FGF10: variants seen among roughly 807,000 people sequenced by gnomAD.
FGF10 encodes fibroblast growth factor 10.
Under a neutral mutation model 19.8 loss-of-function variants are expected in FGF10, and 2 were observed. The observed-to-expected ratio is 0.10, with a 90% CI of 0.04 to 0.32. The LOEUF (loss-of-function observed/expected upper bound fraction) is 0.32, where lower values mean the gene tolerates loss of function less well. Among genes scored for constraint, FGF10 ranks in the 10% least tolerant of loss-of-function variants. The pLI, the probability that FGF10 is intolerant of heterozygous loss-of-function variation, is 1.00. For missense variants in FGF10, 191 were observed against 246.3 expected, an observed-to-expected ratio of 0.78 and a Z score of 1.50; for synonymous variants, 112 against 94.0, an observed-to-expected ratio of 1.19 and a Z score of -1.10.
At chr5:44,307,981 G>A (rs1012864087) in intron 2 of FGF10, among the ~76,000 whole-genome samples, 5 of 152,220 alleles carry the variant, frequency 3.3e-5, no homozygotes, top group Non-Finnish European at 5.9e-5. Context: ...GTATAACTGT[G>A]CTCTGTATGG....
intron 1 of FGF10, among the ~76,000 whole-genome samples, chr5:44,369,506 A>T (rs1351240754): frequency 6.6e-6 from 1 of 152,108 alleles, no homozygotes; most frequent in Non-Finnish European, 1.5e-5. Context: ...AATCCCTAAA[A>T]GTTTGTTTAC....
intron 1 of FGF10, among the ~76,000 whole-genome samples, chr5:44,374,415 T>C (rs1741809539): frequency 6.6e-6 from 1 of 152,184 alleles, no homozygotes; most frequent in Admixed American, 6.5e-5. Flanking sequence ...CTGATGTCTT[T>C]GGGTGCTCAT....
At chr5:44,348,838 G>A (rs1741149243) in intron 1 of FGF10, among the ~76,000 whole-genome samples, 1 of 151,396 alleles carries the variant, frequency 6.6e-6, no homozygotes, top group Non-Finnish European at 1.5e-5. Flanking sequence ...CTGGGAAGTG[G>A]TGACTTATGT....
chr5:44,343,288 T>C (rs545264317), intron 1 of FGF10, among the ~76,000 whole-genome samples: 51 of 152,156 alleles, frequency 3.4e-4, no homozygotes, highest in Admixed American at 1.2e-3. Flanking sequence ...TCATAACTTA[T>C]CTTGGATCCC....
At chr5:44,381,947 GT>G (rs1156572849) in intron 1 of FGF10, among the ~76,000 whole-genome samples, 3 of 152,042 alleles carry the variant, frequency 2.0e-5, no homozygotes, top group African/African-American at 7.2e-5. Flanking sequence ...TTCTATTAGG[GT>G]TAGATGATTC....
chr5:44,379,602 A>G (rs180698868), intron 1 of FGF10, among the ~76,000 whole-genome samples: 4 of 152,338 alleles, frequency 2.6e-5, no homozygotes, highest in Non-Finnish European at 5.9e-5. Flanking sequence ...ACTGGGACTT[A>G]GCTTTCCTTA....
chr5:44,318,522 A>C (rs13436788), intron 1 of FGF10, among the ~76,000 whole-genome samples: 1 of 152,020 alleles, frequency 6.6e-6, no homozygotes, highest in Non-Finnish European at 1.5e-5. Flanking sequence ...GGAAAATCCC[A>C]AGGGAATCTT....
intron 1 of FGF10, among the ~76,000 whole-genome samples, chr5:44,330,871 G>A (rs1023561281): frequency 2.0e-5 from 3 of 152,148 alleles, no homozygotes; most frequent in Middle Eastern, 3.4e-3. Flanking sequence ...TTGATCAGAC[G>A]TCATTTTTTG....
chr5:44,339,048 T>C (rs1345714487), intron 1 of FGF10, among the ~76,000 whole-genome samples: 1 of 152,154 alleles, frequency 6.6e-6, no homozygotes, highest in Non-Finnish European at 1.5e-5. Flanking sequence ...ACAGCTTCTT[T>C]CCTTTTACTA....
intron 1 of FGF10, among the ~76,000 whole-genome samples, chr5:44,352,119 T>C (rs994085926): frequency 8.6e-5 from 13 of 151,596 alleles, no homozygotes; most frequent in African/African-American, 2.9e-4. Flanking sequence ...CATTTGGGGA[T>C]GCACTGCATG....
intron 1 of FGF10, among the ~76,000 whole-genome samples, chr5:44,325,262 T>C (rs1319419744): frequency 1.3e-5 from 2 of 151,930 alleles, no homozygotes; most frequent in African/African-American, 2.4e-5. Context: ...TGTGGAGAAA[T>C]AGGAACACTT....
rs573343120 is a variant in FGF10 at position 44,341,361 on chromosome 5, G to A, written c.326-30831C>T. Among the ~76,000 whole-genome samples, 61 of 151,774 alleles carry A rather than the reference G, an allele frequency of 4.0e-4. No homozygotes were observed. The South Asian group carries it at 4.2e-3, about 10-fold the overall frequency. Reference sequence around the variant, plus strand: ...GAATGTAAAAAAACTACACCACTCCGTTATACTTCATTAGGTCATGTATCT... The same window carrying A: ...GAATGTAAAAAAACTACACCACTCCATTATACTTCATTAGGTCATGTATCT... On this transcript the variant is annotated intron_variant, in intron 1 of 2. Coordinates refer to ENST00000264664, the MANE Select transcript of FGF10 (RefSeq NM_004465.2).
intron 1 of FGF10, among the ~76,000 whole-genome samples, chr5:44,372,246 C>T (rs1372147338): frequency 3.3e-5 from 5 of 152,160 alleles, no homozygotes; most frequent in African/African-American, 1.2e-4. Context: ...CATTCCTTGG[C>T]TCATGGCCTT....
In FGF10 at chr5:44,318,343, T is replaced by C. The variant is rs970743705; in HGVS notation, c.326-7813A>G. On this transcript the variant is annotated intron_variant, in intron 1 of 2. Transcript: ENST00000264664. ...CTGTATCAGAAAACATATTTCTATA[T>C]AAAGTTTTATGTAGCAATTTATTGG... Among the ~76,000 whole-genome samples, 18 of 152,316 alleles carry C rather than the reference T, an allele frequency of 1.2e-4. 2 individuals carry two copies. Among genetic ancestry groups the C allele is most frequent in the Admixed American group, 1.0e-3 (16 of 15,296 alleles).
chr5:44,338,105 A>T (rs1740893520), intron 1 of FGF10, among the ~76,000 whole-genome samples: 1 of 152,214 alleles, frequency 6.6e-6, no homozygotes, highest in Admixed American at 6.5e-5. Flanking sequence ...TAAAAATAGC[A>T]TTAATGAGTT....
At chr5:44,314,936 A>G (rs529360611) in intron 1 of FGF10, among the ~76,000 whole-genome samples, 5 of 152,290 alleles carry the variant, frequency 3.3e-5, no homozygotes, top group Admixed American at 2.0e-4. Context: ...GGATATAGAC[A>G]AGGAAAACTA....
chr5:44,345,438 T>C (rs10073166), intron 1 of FGF10, among the ~76,000 whole-genome samples: 100,190 of 151,544 alleles, frequency 0.66, 33,339 homozygotes, highest in South Asian at 0.71. Flanking sequence ...CCAAAGTGAA[T>C]GACCATTACC....
At chr5:44,326,712 T>C (rs938353069) in intron 1 of FGF10, among the ~76,000 whole-genome samples, 6 of 152,068 alleles carry the variant, frequency 3.9e-5, no homozygotes, top group Non-Finnish European at 8.8e-5. Flanking sequence ...CATACTTCTT[T>C]CTTCATATGG....
intron 1 of FGF10, among the ~76,000 whole-genome samples, chr5:44,376,478 G>A (rs1741857348): frequency 4.9e-5 from 1 of 20,240 alleles, no homozygotes; most frequent in Admixed American, 7.2e-4. Flanking sequence ...AGACAAGTTA[G>A]AATACAAATG....
Sources: allele counts gnomAD v4.1 joint callset (sites outside exome capture counted in the v4.1 genomes callset), GRCh38; gene constraint gnomAD v4.1.1; transcripts MANE v1.5; gene names NCBI Gene and HGNC (gene_info 2026-07-23, HGNC 2026-07-21).